Variants in ZSWIM6 observed in about 807,000 individuals in gnomAD.
The protein encoded by ZSWIM6 is zinc finger SWIM domain-containing protein 6.
In ZSWIM6, 9 loss-of-function variants were observed where a neutral mutation model predicts 113.2. The ratio of observed to expected loss-of-function variants is 0.08; its 90% CI spans 0.05 to 0.14. The LOEUF is 0.14. ZSWIM6 is among the 10% of genes least tolerant of loss of function. ZSWIM6 has a pLI of 1.00. For synonymous variants in ZSWIM6, 611 were observed against 606.5 expected, an observed-to-expected ratio of 1.01 and a Z score of -0.11; for missense variants, 1,162 against 1,552.2, an observed-to-expected ratio of 0.75 and a Z score of 4.22.
At chr5:61,412,085 G>A (rs954610827) in intron 1 of ZSWIM6, among the ~76,000 whole-genome samples, 1 of 152,120 alleles carries the variant, frequency 6.6e-6, no homozygotes, top group Non-Finnish European at 1.5e-5. Flanking sequence ...TTTACTTCTG[G>A]TAAATCTACA....
intron 4 of ZSWIM6, 151 bp from the exon 5 acceptor site, chr5:61,521,112 A>G (rs1404455790): frequency 3.0e-6 from 1 of 337,632 alleles, no homozygotes; most frequent in African/African-American, 2.2e-5. Flanking sequence ...AAAATTTATA[A>G]TTAACTTGAT....
intron 1 of ZSWIM6, among the ~76,000 whole-genome samples, chr5:61,398,451 T>G (rs1190052311): frequency 6.6e-6 from 1 of 152,112 alleles, no homozygotes; most frequent in South Asian, 2.1e-4. Flanking sequence ...GCCGAAAAGG[T>G]TGGGGACTGC....
intron 1 of ZSWIM6, among the ~76,000 whole-genome samples, chr5:61,355,282 T>TGGA (rs1744874898): frequency 1.3e-5 from 2 of 152,130 alleles, no homozygotes; most frequent in African/African-American, 4.8e-5. Flanking sequence ...AGGCCTACAG[T>TGGA]GGCTCCTGGG....
chr5:61,489,986 T>A (rs1748134386), intron 2 of ZSWIM6, among the ~76,000 whole-genome samples: 1 of 152,086 alleles, frequency 6.6e-6, no homozygotes, highest in Admixed American at 6.6e-5. Flanking sequence ...GATAAGCAGA[T>A]GAAACACTGA....
At chr5:61,423,363 G>A (rs1274737846) in intron 1 of ZSWIM6, among the ~76,000 whole-genome samples, 2 of 151,240 alleles carry the variant, frequency 1.3e-5, no homozygotes, top group African/African-American at 2.4e-5. Flanking sequence ...AGCTGAGATC[G>A]TGCTATTGCA....
chr5:61,489,072 C>G (rs577664242), intron 2 of ZSWIM6, among the ~76,000 whole-genome samples: 1 of 152,028 alleles, frequency 6.6e-6, no homozygotes, highest in Admixed American at 6.6e-5. Context: ...ATTACTCTTC[C>G]TCTCATCTTC....
At chr5:61,511,228 A>G (rs1748778953) in intron 4 of ZSWIM6, among the ~76,000 whole-genome samples, 1 of 152,138 alleles carries the variant, frequency 6.6e-6, no homozygotes, top group Admixed American at 6.6e-5. Flanking sequence ...TTGCAAGCAA[A>G]TTAATAAAGG....
At chr5:61,527,737 T>C (rs1005570414) in intron 7 of ZSWIM6, among the ~76,000 whole-genome samples, 2 of 152,182 alleles carry the variant, frequency 1.3e-5, no homozygotes, top group Non-Finnish European at 2.9e-5. Flanking sequence ...TGTTATACTG[T>C]GCAAAAAGAG....
intron 1 of ZSWIM6, among the ~76,000 whole-genome samples, chr5:61,356,948 G>A (rs1447077153): frequency 6.6e-6 from 1 of 150,976 alleles, no homozygotes; most frequent in Non-Finnish European, 1.5e-5. Flanking sequence ...TAAAAAGGAG[G>A]AGAAACAGAC....
chr5:61,534,003 T>A (rs1484627802), intron 9 of ZSWIM6, among the ~76,000 whole-genome samples: 1 of 152,200 alleles, frequency 6.6e-6, no homozygotes, highest in African/African-American at 2.4e-5. Context: ...CTAATCCTGT[T>A]GGATCAGGGC....
At chr5:61,437,496 G>T (rs185428490) in intron 1 of ZSWIM6, among the ~76,000 whole-genome samples, 1 of 152,068 alleles carries the variant, frequency 6.6e-6, no homozygotes, top group East Asian at 1.9e-4. Flanking sequence ...GCTGAGGTGG[G>T]CAGATTGCTT....
chr5:61,333,681 G>A (rs767380305), intron 1 of ZSWIM6, among the ~76,000 whole-genome samples: 9 of 152,148 alleles, frequency 5.9e-5, no homozygotes, highest in Admixed American at 2.0e-4. Flanking sequence ...GTCTCCGGAG[G>A]GACATCTCGC....
At chr5:61,451,602 A>G (rs1747088025) in intron 1 of ZSWIM6, among the ~76,000 whole-genome samples, 1 of 152,154 alleles carries the variant, frequency 6.6e-6, no homozygotes, top group South Asian at 2.1e-4. Context: ...TGAAGGGAAA[A>G]TACTTTACCC....
At chr5:61,498,740 C>G (rs1748385853) in intron 4 of ZSWIM6, among the ~76,000 whole-genome samples, 1 of 152,222 alleles carries the variant, frequency 6.6e-6, no homozygotes, top group Non-Finnish European at 1.5e-5. Flanking sequence ...CTGTAACCAC[C>G]TACATTATTC....
In ZSWIM6 at chr5:61,405,681, G is replaced by A. The variant is rs370544488; in HGVS notation, c.677-67000G>A. ...TTGCTTCCATGAGGCCAAAGTGTAG[G>A]CTCTGTAAAACACAAGAGTAGAAGA... On this transcript the variant is annotated intron_variant, in intron 1 of 13. Coordinates refer to ENST00000252744, the MANE Select transcript of ZSWIM6 (RefSeq NM_020928.2). 9.9e-5 allele frequency among the ~76,000 whole-genome samples: 15 copies of A among 152,274 alleles called. No individual in the cohort carries two copies. The South Asian group carries it at 1.2e-3, about 13-fold the overall frequency.
At chr5:61,380,097 C>A (rs1014888799) in intron 1 of ZSWIM6, among the ~76,000 whole-genome samples, 22 of 151,916 alleles carry the variant, frequency 1.4e-4, no homozygotes, top group Non-Finnish European at 3.2e-4. Flanking sequence ...TTTTTTGACA[C>A]GGAGTTTCGC....
rs1749680088 is a variant in ZSWIM6, at chr5:61,539,708, C to T, written c.2652C>T (p.Asp884=). The T allele has an allele frequency of 1.3e-6, 2 of 1,551,758 alleles. No individual in the cohort carries two copies. The highest frequency in any genetic ancestry group is 8.7e-7 in the Non-Finnish European group (1 of 1,146,982). The change falls in exon 12 of 14, where the codon GAC becomes GAT. Residue 884 remains aspartate (D), a synonymous_variant. Coordinates refer to ENST00000252744, the MANE Select transcript of ZSWIM6 (RefSeq NM_020928.2). ...QDAFKIATLM[D]SLPDITLLKV... ...CATTTAAAATAGCAACTCTCATGGA[C>T]AGTTTGCCAGACATCACTCTTTTGA...
chr5:61,349,987 G>C (rs1161009407), intron 1 of ZSWIM6, among the ~76,000 whole-genome samples: 2 of 152,160 alleles, frequency 1.3e-5, no homozygotes, highest in Non-Finnish European at 2.9e-5. Flanking sequence ...GGAATGGTTT[G>C]CTACACTGGT....
chr5:61,542,240 T>C (rs1354494126), intron 13 of ZSWIM6, among the ~76,000 whole-genome samples: 2 of 152,230 alleles, frequency 1.3e-5, no homozygotes, highest in Non-Finnish European at 2.9e-5. Flanking sequence ...ATTCAGTTCA[T>C]ATATATAAAG....
Sources: gnomAD v4.1 joint callset for allele counts (sites outside exome capture counted in the v4.1 genomes callset) on GRCh38, gnomAD v4.1.1 for gene constraint, MANE v1.5 for transcripts, NCBI Gene and HGNC (gene_info 2026-07-23, HGNC 2026-07-21) for gene names.